The following NPC1 variants were observed in gnomAD, a reference collection of about 807,000 sequenced individuals.
The protein encoded by NPC1 is Niemann-Pick C1 protein.
Under a neutral mutation model 140.4 loss-of-function variants are expected in NPC1, and 85 were observed. The ratio of observed to expected loss-of-function variants is 0.61; its 90% CI spans 0.51 to 0.72. NPC1 has a LOEUF of 0.72. NPC1 is among the 30% of genes least tolerant of loss of function. The pLI is 0.00. For missense variants in NPC1, 1,504 were observed against 1,623.8 expected (o/e 0.93, Z 1.27); for synonymous variants, 656 against 624.8 (o/e 1.05, Z -0.74).
chr18:23,542,840 C>T (rs939728346), intron 14 of NPC1, among the ~76,000 whole-genome samples: 1 of 152,210 alleles, frequency 6.6e-6, no homozygotes, highest in Non-Finnish European at 1.5e-5. Context: ...CAACTATCAA[C>T]ATTCCCAGTG....
chr18:23,569,988 A>AT (rs2059178384), intron 3 of NPC1, among the ~76,000 whole-genome samples: 1 of 152,242 alleles, frequency 6.6e-6, no homozygotes, highest in African/African-American at 2.4e-5. Context: ...ACTCCGATTC[A>AT]GTCCCAGTGA....
At chr18:23,558,487 A>G (rs1247866201) in intron 6 of NPC1, among the ~76,000 whole-genome samples, 1 of 152,246 alleles carries the variant, frequency 6.6e-6, no homozygotes, top group East Asian at 1.9e-4. Flanking sequence ...GACATGCTAC[A>G]AAATACCTGA....
At position 23,531,986 on chromosome 18, in the gene NPC1, G is replaced by A. The variant is rs2058525938; in HGVS notation, c.*216C>T. 1.4e-6 allele frequency: 2 copies of A among 1,462,268 alleles called. No homozygotes were observed. The highest frequency in any genetic ancestry group is 1.8e-6 in the Non-Finnish European group (2 of 1,113,716). 90.6% of individuals were successfully genotyped at this position (1,462,268 alleles called of 1,614,324 possible). A position where few individuals can be genotyped will look rare whatever the true frequency, so the allele number is the denominator to read the frequency against. ...TTCTTTCCTGAAGAGGCTGGGAGAA[G>A]TTTAGTGTCCTGTGGTTGCCTCCAG... is the stretch of plus-strand genomic sequence containing the variant. On this transcript the variant is annotated 3_prime_UTR_variant, in exon 25 of 25. Transcript: ENST00000269228.
At chr18:23,554,079 A>G (rs1471315586) in intron 9 of NPC1, among the ~76,000 whole-genome samples, 1 of 152,130 alleles carries the variant, frequency 6.6e-6, no homozygotes, top group East Asian at 1.9e-4. Flanking sequence ...GCACTCCTCA[A>G]TCACACACCA....
At chr18:23,551,015 A>C (rs185101492) in intron 10 of NPC1, among the ~76,000 whole-genome samples, 13 of 152,294 alleles carry the variant, frequency 8.5e-5, no homozygotes, top group Non-Finnish European at 1.3e-4. Flanking sequence ...TGGATTCTTA[A>C]CTGGTTGGGC....
At chr18:23,564,406 T>C (rs996793231) in intron 4 of NPC1, among the ~76,000 whole-genome samples, 80 of 152,044 alleles carry the variant, frequency 5.3e-4, no homozygotes, top group African/African-American at 1.2e-4. Flanking sequence ...GCGAGGTACT[T>C]AGTGCAGCCT....
chr18:23,540,322 G>T, intron 17 of NPC1, 126 bp downstream of exon 17: 1 of 727,102 alleles, frequency 1.4e-6, no homozygotes, highest in Non-Finnish European at 2.4e-6. Flanking sequence ...CCTAACCCTG[G>T]AAACCCTGTC....
rs1436741694 is a variant in NPC1 at position 23,536,756 on chromosome 18, A to C, written c.3162T>G (p.Ala1054=). The change falls in exon 21 of 25, where the codon GCT becomes GCG. Residue 1054 remains alanine (A), a synonymous_variant. Transcript: ENST00000269228. ...TGGCTATAAGTCGGGCTTTCTTCAG[A>C]GCGTCAATAAAGTCAGCAGAGGTCT... ...VLQTSADFID[A]LKKARLIASN... 7 of 1,613,992 alleles carry C rather than the reference A, an allele frequency of 4.3e-6. No homozygotes were observed. Among genetic ancestry groups the C allele is most frequent in the Non-Finnish European group, 5.9e-6 (7 of 1,180,024 alleles).
chr18:23,579,222 T>A (rs1009983112), intron 1 of NPC1, among the ~76,000 whole-genome samples: 1 of 152,224 alleles, frequency 6.6e-6, no homozygotes, highest in African/African-American at 2.4e-5. Flanking sequence ...TTGGGAGAAG[T>A]TGCCAGAGTA....
downstream of NPC1, among the ~76,000 whole-genome samples, chr18:23,526,959 A>G (rs572859564): frequency 7.9e-5 from 12 of 152,340 alleles, no homozygotes; most frequent in Middle Eastern, 3.4e-3. Flanking sequence ...ATACTGGTAG[A>G]AAAGAACAAT....
chr18:23,568,240 G>A (rs1463208326), intron 4 of NPC1, among the ~76,000 whole-genome samples: 1 of 152,048 alleles, frequency 6.6e-6, no homozygotes, highest in African/African-American at 2.4e-5. Flanking sequence ...ATTCAGTCAG[G>A]TTGCCTTGTA....
intron 8 of NPC1, among the ~76,000 whole-genome samples, chr18:23,555,837 G>C (rs918214307): frequency 1.3e-5 from 2 of 152,176 alleles, no homozygotes; most frequent in South Asian, 4.1e-4. Context: ...CAGCCCCCAG[G>C]ACAGCAGTAA....
chr18:23,519,906 G>C (rs558886327), downstream of NPC1, among the ~76,000 whole-genome samples: 2 of 152,316 alleles, frequency 1.3e-5, no homozygotes, highest in South Asian at 4.1e-4. Context: ...CGCTAACTCT[G>C]TGACACGTGA....
chr18:23,551,652 CG>C lies in NPC1; in HGVS notation c.1628del (p.Pro543ArgfsTer20), dbSNP rs1555635957. The C allele has an allele frequency of 2.5e-6, 4 of 1,613,704 alleles. No individual in the cohort carries two copies. Among genetic ancestry groups the C allele is most frequent in the South Asian group, 1.1e-5 (1 of 91,086 alleles). On this transcript the variant is annotated frameshift_variant, in exon 10 of 25. Coordinates refer to ENST00000269228, the MANE Select transcript of NPC1 (RefSeq NM_000271.5). LOFTEE classifies it high-confidence loss of function. ...CLGTFGGPVF[P>X]WLVLGGYDDQ... is the part of the protein sequence containing the mutation. ...CATCATAGCCTCCCAACACAAGCCA[CG>C]GGAACACTGGTCCACCAAACGTACC...
chr18:23,529,174 T>C, downstream of NPC1: 1 of 1,607,242 alleles, frequency 6.2e-7, no homozygotes. Flanking sequence ...GTTTTTTTCT[T>C]TCAGGCGGTG....
chr18:23,506,885 A>ATAGAT, intron 3 of NPC1: 1 of 954,724 alleles, frequency 1.0e-6, no homozygotes, highest in South Asian at 1.4e-5. Context: ...CCTCCTGAAT[A>ATAGAT]TAGATTGTGT....
downstream of NPC1, among the ~76,000 whole-genome samples, chr18:23,520,841 A>AAGTAGCG (rs1351365885): frequency 6.6e-6 from 1 of 152,088 alleles, no homozygotes; most frequent in Non-Finnish European, 1.5e-5. Context: ...TCAGCCTCCC[A>AAGTAGCG]AGTAGCTGGG....
intron 23 of NPC1, 83 bp downstream of exon 23, chr18:23,534,363 T>G: frequency 2.1e-6 from 2 of 941,464 alleles, no homozygotes; most frequent in Admixed American, 3.7e-5. Context: ...GCTTTGTAAG[T>G]ACAGGATCCA....
chr18:23,543,358 A>G (rs1312280006), intron 14 of NPC1, 97 bp downstream of exon 14: 9 of 747,874 alleles, frequency 1.2e-5, no homozygotes. Context: ...AAAAAAAAAA[A>G]AAGGAAGCAA....
Sources: allele counts gnomAD v4.1 joint callset (sites outside exome capture counted in the v4.1 genomes callset), GRCh38; gene constraint gnomAD v4.1.1; transcripts MANE v1.5; gene names NCBI Gene and HGNC (gene_info 2026-07-23, HGNC 2026-07-21).